The following PSMD11 variants were observed in gnomAD, a reference collection of about 807,000 sequenced individuals.
PSMD11 encodes the protein proteasome 26S subunit, non-ATPase 11.
A neutral mutation model predicts 62.3 loss-of-function variants in PSMD11; 5 were observed. The ratio of observed to expected loss-of-function variants is 0.08; its 90% CI spans 0.04 to 0.17. PSMD11 has a LOEUF of 0.17. Ranked by LOEUF, PSMD11 falls within the 10% of genes least tolerant of loss-of-function variation. PSMD11 has a pLI of 1.00. For missense variants in PSMD11, 310 were observed against 512.9 expected (o/e 0.60, Z 3.82); for synonymous variants, 191 against 191.8 (o/e 1.00, Z 0.03).
intron 1 of PSMD11, 54 bp downstream of exon 1, chr17:32,444,668 C>T: frequency 6.3e-7 from 1 of 1,597,004 alleles, no homozygotes; most frequent in South Asian, 1.1e-5. Flanking sequence ...CGGCTTATGT[C>T]GGTCGGCGGC....
chr17:32,474,097 C>T (rs1908251359), intron 7 of PSMD11, 152 bp downstream of exon 7: 13 of 862,718 alleles, frequency 1.5e-5, no homozygotes. Flanking sequence ...GCGGGAGGAT[C>T]AAAAGTGGTC....
At position 32,480,779 on chromosome 17, in the gene PSMD11, G is replaced by A; in HGVS notation, c.*27G>A. On this transcript the variant is annotated 3_prime_UTR_variant, in exon 14 of 14. Transcript: ENST00000261712. ...GTTGGATCTGTAGCGGTCCTTTGGA[G>A]AGTGTGTGTGGCGGGAGAGTGAAAC... 1.2e-6 allele frequency: 1 copy of A among 866,878 alleles called. No individual in the cohort carries two copies. 53.7% of individuals were successfully genotyped at this position (866,878 alleles called of 1,614,324 possible). A position where few individuals can be genotyped will look rare whatever the true frequency, so the allele number is the denominator to read the frequency against.
chr17:32,468,166 G>GA (rs1364494086), intron 5 of PSMD11, among the ~76,000 whole-genome samples: 2 of 152,110 alleles, frequency 1.3e-5, no homozygotes, highest in African/African-American at 4.8e-5. Flanking sequence ...ATTCTGTGGT[G>GA]TATATGTACA....
chr17:32,454,660 A>G (rs1271994820), intron 3 of PSMD11, 41 bp downstream of exon 3: 10 of 1,599,562 alleles, frequency 6.3e-6, no homozygotes, highest in Non-Finnish European at 8.5e-6. Flanking sequence ...ATATGGAGAA[A>G]AGTTTGTTTC....
chr17:32,477,816 A>G (rs140549947), intron 9 of PSMD11: 2 of 319,960 alleles, frequency 6.3e-6, no homozygotes, highest in Admixed American at 4.7e-5. Context: ...TTCTATTTCA[A>G]AAGTTCTTTC....
chr17:32,474,002 G>A (rs1265685350), intron 7 of PSMD11, 57 bp downstream of exon 7: 1 of 1,595,606 alleles, frequency 6.3e-7, no homozygotes, highest in South Asian at 1.1e-5. Flanking sequence ...AAGTCTGTTT[G>A]CCATGGCAGA....
intron 2 of PSMD11, among the ~76,000 whole-genome samples, chr17:32,453,858 A>G (rs1464004289): frequency 2.0e-5 from 3 of 152,168 alleles, no homozygotes; most frequent in African/African-American, 7.2e-5. Context: ...GTCATAGTTT[A>G]AGACTTAGGT....
Position 32,464,051 on chromosome 17 carries a change from C to T in PSMD11, c.321C>T (p.Val107=), listed in dbSNP as rs143910284. 8.1e-6 allele frequency: 13 copies of T among 1,613,672 alleles called. No individual in the cohort carries two copies. Among genetic ancestry groups the T allele is most frequent in the Middle Eastern group, 1.6e-4 (1 of 6,084 alleles). ...TGTACTGTCTCTCCTTATTGCAGGT[C>T]GAGCTGTGTTTAGAGTGCATCGAAT... ...LDMEAATGQE[V]ELCLECIEWA... Residue 107 remains valine (V), a splice_region_variant and synonymous_variant, in exon 4 of 14, where the codon GTC becomes GTT. Transcript: ENST00000261712.
chr17:32,462,772 C>T lies in PSMD11; in HGVS notation c.319-1277C>T, dbSNP rs139071709. Among the ~76,000 whole-genome samples, 735 of 152,220 alleles carry T rather than the reference C, an allele frequency of 4.8e-3. 5 individuals carry two copies. The highest frequency in any genetic ancestry group is 0.016 in the African/African-American group (649 of 41,526). On this transcript the variant is annotated intron_variant, in intron 3 of 13. Coordinates refer to ENST00000261712, the MANE Select transcript of PSMD11 (RefSeq NM_002815.4). The stretch of plus-strand genomic sequence containing the variant: ...TGCGATCTCGGCTCACCGCAACCTC[C>T]ACCTCCCAGGTTCAAGGGATTATTC...
intron 5 of PSMD11, among the ~76,000 whole-genome samples, chr17:32,468,014 A>G (rs1908047223): frequency 6.6e-6 from 1 of 152,098 alleles, no homozygotes; most frequent in Non-Finnish European, 1.5e-5. Flanking sequence ...AGGTATTCTC[A>G]TCATTTAGCT....
chr17:32,454,572 T>A lies in PSMD11; in HGVS notation c.271T>A (p.Ser91Thr). ...GGCTAAAGCAGCTCGCCTGGTCCGATCTCTTCTTGATCTGTTTCTTGATAT... is the reference window on the plus strand; with the variant it reads ...GGCTAAAGCAGCTCGCCTGGTCCGAACTCTTCTTGATCTGTTTCTTGATAT... ...SKAKAARLVRSLLDLFLDMEA... is the reference protein window; with the variant it reads ...SKAKAARLVRTLLDLFLDMEA... The change falls in exon 3 of 14, where the codon TCT (serine) becomes ACT (threonine). Residue 91 changes from serine to threonine, a missense_variant. Transcript: ENST00000261712. The A allele has an allele frequency of 6.2e-7, 1 of 1,614,096 alleles. No homozygotes were observed. The highest frequency in any genetic ancestry group is 8.5e-7 in the Non-Finnish European group (1 of 1,179,952).
At chr17:32,468,470 A>G (rs913652858) in intron 5 of PSMD11, among the ~76,000 whole-genome samples, 4 of 152,180 alleles carry the variant, frequency 2.6e-5, no homozygotes, top group African/African-American at 9.7e-5. Flanking sequence ...TCTTAAATTT[A>G]TGTCTTTGAT....
rs145768619 is a variant in PSMD11 at position 32,474,915 on chromosome 17, C to G, written c.849+91C>G. The G allele has an allele frequency of 2.7e-6, 3 of 1,095,038 alleles. No individual in the cohort carries two copies. In the African/African-American group the frequency reaches 4.6e-5, roughly 17 times the overall value. The allele number at this position is 1,095,038 out of a possible 1,614,324, so 67.8% of individuals were successfully genotyped here. A position where few individuals can be genotyped will look rare whatever the true frequency, so the allele number is the denominator to read the frequency against. On this transcript the variant is annotated intron_variant, in intron 8 of 13. Transcript: ENST00000261712. ...TTGATGAGACCAGCACTCTTCAGAT[C>G]TTCATACTACTCTCTTCCTTCTGCC...
At position 32,454,390 on chromosome 17, in the gene PSMD11, A is replaced by G. The variant is rs1477064940; in HGVS notation, c.194-105A>G. The G allele has an allele frequency of 6.1e-6, 7 of 1,146,560 alleles. No individual in the cohort carries two copies. The African/African-American group carries it at 9.3e-5, about 15-fold the overall frequency. 71.0% of individuals were successfully genotyped at this position (1,146,560 alleles called of 1,614,324 possible). A position where few individuals can be genotyped will look rare whatever the true frequency, so the allele number is the denominator to read the frequency against. Reference sequence around the variant, plus strand: ...AGTAAGTTTCACTTAGACTGATTCCAGTGATGTAAGTACCGATTTTTATGA... The same window carrying G: ...AGTAAGTTTCACTTAGACTGATTCCGGTGATGTAAGTACCGATTTTTATGA... On this transcript the variant is annotated intron_variant, in intron 2 of 13. Coordinates refer to ENST00000261712, the MANE Select transcript of PSMD11 (RefSeq NM_002815.4).
chr17:32,462,467 A>G (rs1907870426), intron 3 of PSMD11, among the ~76,000 whole-genome samples: 1 of 152,076 alleles, frequency 6.6e-6, no homozygotes, highest in African/African-American at 2.4e-5. Context: ...GGTAATTTTT[A>G]TGAGGTCAGT....
intron 3 of PSMD11, among the ~76,000 whole-genome samples, chr17:32,461,615 A>G (rs1489148923): frequency 6.6e-6 from 1 of 151,880 alleles, no homozygotes; most frequent in East Asian, 1.9e-4. Context: ...GAAAAAAAGA[A>G]AAAAGATATC....
Position 32,480,486 on chromosome 17 carries a change from C to T in PSMD11, c.1127-3C>T, listed in dbSNP as rs767377760. ...ACCTGGGTTGCCCTTGTGTTTCTTGCAGGGATTTTGGACCAGGGGGAGGGT... is the reference window on the plus strand; with the variant it reads ...ACCTGGGTTGCCCTTGTGTTTCTTGTAGGGATTTTGGACCAGGGGGAGGGT... On this transcript the variant is annotated splice_polypyrimidine_tract_variant and splice_region_variant and intron_variant, in intron 12 of 13. Transcript: ENST00000261712. 1 of 1,614,136 alleles carries T rather than the reference C, an allele frequency of 6.2e-7. No homozygotes were observed. Among genetic ancestry groups the T allele is most frequent in the Non-Finnish European group, 8.5e-7 (1 of 1,179,996 alleles).
At chr17:32,479,536 G>A (rs1597844990) in intron 10 of PSMD11, 160 bp downstream of exon 10, 14 of 1,066,694 alleles carry the variant, frequency 1.3e-5, no homozygotes, top group East Asian at 1.0e-4. Context: ...AACAAAAATC[G>A]AGGAGAGAGA....
At chr17:32,477,391 G>A in intron 8 of PSMD11, 130 bp from the exon 9 acceptor site, 1 of 682,630 alleles carries the variant, frequency 1.5e-6, no homozygotes, top group Middle Eastern at 2.6e-4. Context: ...GGCGTCTGAA[G>A]AAGAACGATG....
Sources: gnomAD v4.1 joint callset for allele counts (sites outside exome capture counted in the v4.1 genomes callset) on GRCh38, gnomAD v4.1.1 for gene constraint, MANE v1.5 for transcripts, NCBI Gene and HGNC (gene_info 2026-07-23, HGNC 2026-07-21) for gene names.